The following SRGAP2B variants were observed in gnomAD, a reference collection of about 807,000 sequenced individuals.
SRGAP2B encodes the protein SLIT-ROBO Rho GTPase-activating protein 2B.
In SRGAP2B, 9 loss-of-function variants were observed where a neutral mutation model predicts 22.2. That is an observed-to-expected ratio of 0.41 (90% CI 0.24 to 0.71). SRGAP2B has a LOEUF of 0.71. Ranked by LOEUF, SRGAP2B falls within the 30% of genes least tolerant of loss-of-function variation. SRGAP2B has a pLI of 0.35. For missense variants in SRGAP2B, 114 were observed against 235.8 expected, an observed-to-expected ratio of 0.48 and a Z score of 3.38; for synonymous variants, 36 against 87.4, an observed-to-expected ratio of 0.41 and a Z score of 3.28.
chr1:144,992,274 C>T lies in SRGAP2B; in HGVS notation c.260+2734G>A, dbSNP rs1446654048. Among the ~76,000 whole-genome samples the T allele has an allele frequency of 6.6e-5, 10 of 150,834 alleles. 1 individual carries two copies. Among genetic ancestry groups the T allele is most frequent in the East Asian group, 1.9e-4 (1 of 5,176 alleles). Reference sequence around the variant, plus strand: ...ACCTTAAGAGCTGTAACACTCACCGCGAGGGTCCGCGGCCTCATTCTTGAA... The same window carrying T: ...ACCTTAAGAGCTGTAACACTCACCGTGAGGGTCCGCGGCCTCATTCTTGAA... On this transcript the variant is annotated intron_variant, in intron 3 of 9. Transcript: ENST00000612199.
At chr1:145,093,996 G>A (rs782091805) in intron 1 of SRGAP2B, among the ~76,000 whole-genome samples, 8 of 148,132 alleles carry the variant, frequency 5.4e-5, no homozygotes, top group African/African-American at 2.1e-4. Context: ...TGCTCGGCAC[G>A]GGACACATCC....
At chr1:144,917,575 C>CA (rs1468526133) in intron 4 of SRGAP2B, among the ~76,000 whole-genome samples, 16 of 144,122 alleles carry the variant, frequency 1.1e-4, no homozygotes, top group East Asian at 4.0e-4. Context: ...AAAGTGTAAC[C>CA]AAAAAAAACA....
At position 145,094,017 on chromosome 1, in the gene SRGAP2B, T is replaced by G. The variant is rs1252615274; in HGVS notation, c.-542-574A>C. The stretch of plus-strand genomic sequence containing the variant: ...GCACGGGACACATCCAGGAAAACAA[T>G]GTGGTCAGCTGAAGCAGGAAACGGG... On this transcript the variant is annotated intron_variant, in intron 1 of 9. Coordinates refer to ENST00000612199, the Ensembl canonical transcript of SRGAP2B. 2.1e-5 allele frequency among the ~76,000 whole-genome samples: 3 copies of G among 144,512 alleles called. No homozygotes were observed. In the East Asian group the frequency reaches 6.0e-4, roughly 29 times the overall value. 94.8% of individuals were successfully genotyped at this position (144,512 alleles called of 152,430 possible).
rs1350152868 is a variant in SRGAP2B, at chr1:144,945,431, AAAG to A, written c.423+10005_423+10007del. ...GAATAAATATTGGAAGCAGCCAAAT[AAAG>A]AAGGGCTGGGCATGGCAGCTCACGC... On this transcript the variant is annotated intron_variant, in intron 4 of 9. Coordinates refer to ENST00000612199, the Ensembl canonical transcript of SRGAP2B. 1.5e-4 allele frequency among the ~76,000 whole-genome samples: 22 copies of A among 151,658 alleles called. No homozygotes were observed. In the South Asian group the frequency reaches 3.9e-3, roughly 27 times the overall value.
chr1:144,996,995 GT>G (rs1670727711), intron 2 of SRGAP2B, among the ~76,000 whole-genome samples: 1 of 148,982 alleles, frequency 6.7e-6, no homozygotes, highest in African/African-American at 2.6e-5. Context: ...AACAGCCCTT[GT>G]TGAGACTATT....
Position 144,979,696 on chromosome 1 carries a change from C to T in SRGAP2B, c.260+15312G>A, listed in dbSNP as rs371298210. ...AGTGAGTTCATGCTCACTTAGTTCA[C>T]GAGAGATCTGGTTGTTCAAAAGTCT... On this transcript the variant is annotated intron_variant, in intron 3 of 9. Transcript: ENST00000612199. Among the ~76,000 whole-genome samples the T allele has an allele frequency of 2.1e-4, 31 of 150,584 alleles. No homozygotes were observed. In the East Asian group the frequency reaches 3.7e-3, roughly 18 times the overall value.
chr1:145,065,384 C>T (rs1159305630), intron 2 of SRGAP2B, among the ~76,000 whole-genome samples: 2 of 149,138 alleles, frequency 1.3e-5, no homozygotes, highest in South Asian at 4.3e-4. Flanking sequence ...CTCTAGAGGT[C>T]GCCTAGTCCA....
chr1:144,899,548 C>T (rs1427724312), intron 7 of SRGAP2B, among the ~76,000 whole-genome samples: 8 of 128,280 alleles, frequency 6.2e-5, no homozygotes, highest in African/African-American at 2.5e-4. Context: ...TGTCTTCAAT[C>T]TACCCATCCA....
At chr1:145,007,735 A>C (rs1275786240) in intron 2 of SRGAP2B, among the ~76,000 whole-genome samples, 3 of 150,430 alleles carry the variant, frequency 2.0e-5, no homozygotes, top group Non-Finnish European at 2.9e-5. Context: ...TTATGAGTTA[A>C]TATTTGTAAA....
intron 2 of SRGAP2B, among the ~76,000 whole-genome samples, chr1:145,086,660 T>G (rs1571168273): frequency 1.8e-5 from 1 of 56,022 alleles, no homozygotes. Context: ...CCAGCCTGGG[T>G]GACAGAGTGA....
At chr1:144,973,323 T>G (rs1398208990) in intron 3 of SRGAP2B, among the ~76,000 whole-genome samples, 1 of 145,058 alleles carries the variant, frequency 6.9e-6, no homozygotes, top group African/African-American at 2.8e-5. Context: ...TAATTACGTA[T>G]TCCAGATCCC....
At chr1:144,906,099 C>A in intron 5 of SRGAP2B, 25 bp from the exon 6 acceptor site, 6 of 710,804 alleles carry the variant, frequency 8.4e-6, no homozygotes, top group Non-Finnish European at 1.6e-5. Context: ...CCACCCCCAC[C>A]CCCAGAGGTC....
At chr1:144,956,620 G>A (rs1424691780) in intron 3 of SRGAP2B, among the ~76,000 whole-genome samples, 1 of 142,938 alleles carries the variant, frequency 7.0e-6, no homozygotes, top group African/African-American at 2.7e-5. Context: ...GCTAACTTTT[G>A]TATTTTTAGT....
chr1:144,925,234 AC>A (rs782220217), intron 4 of SRGAP2B, among the ~76,000 whole-genome samples: 31 of 149,924 alleles, frequency 2.1e-4, no homozygotes, highest in Non-Finnish European at 3.5e-4. Flanking sequence ...CGAACTCCTG[AC>A]CTCAAGTGAT....
intron 3 of SRGAP2B, among the ~76,000 whole-genome samples, chr1:144,958,035 A>C (rs1667396511): frequency 6.7e-6 from 1 of 149,662 alleles, no homozygotes. Context: ...TTGTATCTTA[A>C]ATGAACAAGG....
chr1:144,967,564 A>G (rs1458952325), intron 3 of SRGAP2B, among the ~76,000 whole-genome samples: 4 of 148,500 alleles, frequency 2.7e-5, no homozygotes, highest in Admixed American at 6.7e-5. Flanking sequence ...TGACACCCTA[A>G]CATCAAAATT....
intron 3 of SRGAP2B, among the ~76,000 whole-genome samples, chr1:144,980,761 G>A (rs1257739144): frequency 6.6e-6 from 1 of 150,968 alleles, no homozygotes; most frequent in African/African-American, 2.5e-5. Flanking sequence ...TTAACAGTGA[G>A]TCCTTCCCAT....
At chr1:144,926,668 G>A (rs1553605057) in intron 4 of SRGAP2B, among the ~76,000 whole-genome samples, 1 of 150,502 alleles carries the variant, frequency 6.6e-6, no homozygotes, top group East Asian at 1.9e-4. Flanking sequence ...ACCAGGCTGG[G>A]CAACAGATAG....
intron 2 of SRGAP2B, among the ~76,000 whole-genome samples, chr1:145,045,278 C>A (rs1278597159): frequency 1.0e-5 from 1 of 99,000 alleles, no homozygotes; most frequent in Admixed American, 1.3e-4. Flanking sequence ...GCCTGGGGGA[C>A]GGAGCGAGAC....
Sources: allele counts gnomAD v4.1 joint callset (sites outside exome capture counted in the v4.1 genomes callset), GRCh38; gene constraint gnomAD v4.1.1; transcripts MANE v1.5; gene names NCBI Gene and HGNC (gene_info 2026-07-23, HGNC 2026-07-21).